The following POM121C variants were observed in gnomAD, a reference collection of about 807,000 sequenced individuals.
POM121C encodes the protein nuclear envelope pore membrane protein POM 121C.
In POM121C, 20 loss-of-function variants were observed where a neutral mutation model predicts 66.4. The ratio of observed to expected loss-of-function variants is 0.30; its 90% confidence interval spans 0.21 to 0.44. The LOEUF is 0.44. POM121C is among the 20% of genes least tolerant of loss of function. The pLI, the probability that POM121C is intolerant of heterozygous loss-of-function variation, is 1.00. For synonymous variants in POM121C, 286 were observed against 528.0 expected, an observed-to-expected ratio of 0.54 and a Z score of 6.28; for missense variants, 580 against 1,225.7, an observed-to-expected ratio of 0.47 and a Z score of 7.87.
Position 75,421,689 on chromosome 7 carries a change from T to C in POM121C, c.2563A>G (p.Thr855Ala). 6.2e-7 allele frequency: 1 copy of C among 1,609,148 alleles called. No homozygotes were observed. The highest frequency in any genetic ancestry group is 8.5e-7 in the Non-Finnish European group (1 of 1,178,454). The change falls in exon 13 of 15, where the codon ACC becomes GCC. Residue 855 changes from threonine to alanine, a missense_variant. Transcript: ENST00000615331. The part of the protein sequence containing the change: ...GSGSFGINVA[T>A]PGSSATTGAF... Reference sequence around the variant, plus strand: ...CCGGTGGTGGCGCTGGAGCCTGGGGTGGCCACGTTGATCCCAAAGCTCCCA... The same window carrying C: ...CCGGTGGTGGCGCTGGAGCCTGGGGCGGCCACGTTGATCCCAAAGCTCCCA...
intron 7 of POM121C, among the ~76,000 whole-genome samples, chr7:75,428,715 C>T (rs1330684684): frequency 4.6e-5 from 7 of 152,218 alleles, no homozygotes; most frequent in African/African-American, 1.4e-4. Context: ...TGAGGTGGCT[C>T]ATGCCTGTAA....
chr7:75,432,056 T>C (rs1790203692), intron 7 of POM121C, among the ~76,000 whole-genome samples: 1 of 151,704 alleles, frequency 6.6e-6, no homozygotes, highest in South Asian at 2.1e-4. Flanking sequence ...GGCATGCGCC[T>C]GCACCTATAG....
intron 3 of POM121C, among the ~76,000 whole-genome samples, chr7:75,463,449 CTTTT>C (rs1191010098): frequency 2.5e-5 from 3 of 120,752 alleles, no homozygotes; most frequent in Non-Finnish European, 3.6e-5. Context: ...CTGGGTTTTT[CTTTT>C]TTTTTTTTTT....
At chr7:75,456,292 G>C (rs1791209610) in intron 3 of POM121C, among the ~76,000 whole-genome samples, 1 of 152,272 alleles carries the variant, frequency 6.6e-6, no homozygotes, top group African/African-American at 2.4e-5. Context: ...TCTGACTCTT[G>C]TACTTTGGTG....
chr7:75,467,909 C>G (rs1319851281), intron 3 of POM121C, among the ~76,000 whole-genome samples: 9 of 151,896 alleles, frequency 5.9e-5, no homozygotes, highest in African/African-American at 2.2e-4. Flanking sequence ...GTGGGCAGAT[C>G]ACCTGGGGTC....
chr7:75,441,730 G>A, intron 3 of POM121C, 83 bp from the exon 4 acceptor site: 6 of 1,252,124 alleles, frequency 4.8e-6, no homozygotes, highest in Non-Finnish European at 4.4e-6. Context: ...CACCAGTTAA[G>A]ACATTTTCCA....
chr7:75,481,136 A>G (rs1792295898), intron 1 of POM121C, among the ~76,000 whole-genome samples: 2 of 149,720 alleles, frequency 1.3e-5, no homozygotes, highest in African/African-American at 2.4e-5. Context: ...AAAAGGAAGT[A>G]TCTGGGATTT....
At chr7:75,434,605 CAG>C (rs1225905897) in intron 7 of POM121C, among the ~76,000 whole-genome samples, 1 of 118,236 alleles carries the variant, frequency 8.5e-6, no homozygotes, top group Non-Finnish European at 1.7e-5. Flanking sequence ...TTTTTTGAGA[CAG>C]AGTCTCACTA....
At chr7:75,478,387 A>T (rs1554479681) in intron 1 of POM121C, among the ~76,000 whole-genome samples, 1 of 152,044 alleles carries the variant, frequency 6.6e-6, no homozygotes, top group Admixed American at 6.6e-5. Flanking sequence ...TGGAGCAGGG[A>T]AGAAGAACCG....
At chr7:75,473,664 GT>G (rs1312942104) in intron 3 of POM121C, among the ~76,000 whole-genome samples, 2 of 151,310 alleles carry the variant, frequency 1.3e-5, no homozygotes, top group East Asian at 1.9e-4. Flanking sequence ...TAAGTCCAAG[GT>G]TTTTTTTTGT....
At chr7:75,471,585 G>A (rs1554478650) in intron 3 of POM121C, among the ~76,000 whole-genome samples, 1 of 152,052 alleles carries the variant, frequency 6.6e-6, no homozygotes, top group Admixed American at 6.6e-5. Flanking sequence ...ACAGAGACAC[G>A]GCGCCGAGTT....
chr7:75,454,550 A>G (rs1282278049), intron 3 of POM121C, among the ~76,000 whole-genome samples: 447 of 135,178 alleles, frequency 3.3e-3, no homozygotes, highest in Middle Eastern at 0.014. Flanking sequence ...AGGAACACAG[A>G]GGCTGGAGAG....
intron 3 of POM121C, among the ~76,000 whole-genome samples, chr7:75,453,168 C>T (rs1195379875): frequency 6.6e-6 from 1 of 151,778 alleles, no homozygotes; most frequent in East Asian, 1.9e-4. Flanking sequence ...TGGTGGCTCA[C>T]ACCTGTGCTC....
At chr7:75,456,348 T>C (rs1791211799) in intron 3 of POM121C, among the ~76,000 whole-genome samples, 1 of 152,282 alleles carries the variant, frequency 6.6e-6, no homozygotes, top group African/African-American at 2.4e-5. Context: ...ATGTCAAAAC[T>C]AGGGATATAA....
chr7:75,442,742 G>A (rs1450419759), intron 3 of POM121C: 22 of 1,343,218 alleles, frequency 1.6e-5, no homozygotes, highest in South Asian at 9.4e-5. Flanking sequence ...CCGCGGAGGA[G>A]ACTTAAATAT....
chr7:75,442,365 C>T, intron 3 of POM121C: 1 of 1,430,442 alleles, frequency 7.0e-7, no homozygotes, highest in Non-Finnish European at 9.1e-7. Context: ...AGCAGTTCGG[C>T]AGGGTCAGGT....
At chr7:75,431,963 T>C (rs1790201213) in intron 7 of POM121C, among the ~76,000 whole-genome samples, 3 of 151,946 alleles carry the variant, frequency 2.0e-5, no homozygotes, top group African/African-American at 7.3e-5. Flanking sequence ...AGGCCTCACC[T>C]GAGGTTAGGA....
At position 75,434,280 on chromosome 7, in the gene POM121C, T is replaced by C. The variant is rs782464258; in HGVS notation, c.480+3235A>G. 5.7e-5 allele frequency among the ~76,000 whole-genome samples: 7 copies of C among 123,170 alleles called. No homozygotes were observed. The South Asian group carries it at 1.7e-3, about 30-fold the overall frequency. The allele number at this position is 123,170 out of a possible 152,430, so 80.8% of individuals were successfully genotyped here. ...CATAAGAGACAAAAATTAAATACTA[T>C]TTTTTTTTTTTTTAAGATGGAGTCT... On this transcript the variant is annotated intron_variant, in intron 7 of 14. Coordinates refer to ENST00000615331, the MANE Select transcript of POM121C (RefSeq NM_001099415.3).
chr7:75,437,778 A>G, intron 6 of POM121C, 92 bp from the exon 7 acceptor site: 1 of 1,455,982 alleles, frequency 6.9e-7, no homozygotes, highest in Non-Finnish European at 9.1e-7. Flanking sequence ...TAATAACATG[A>G]AGGGAAGAGA....
Sources: allele counts gnomAD v4.1 joint callset (sites outside exome capture counted in the v4.1 genomes callset), GRCh38; gene constraint gnomAD v4.1.1; transcripts MANE v1.5; gene names NCBI Gene and HGNC (gene_info 2026-07-23, HGNC 2026-07-21).